WAPL: variants seen among roughly 807,000 people sequenced by gnomAD.
WAPL encodes the protein WAPL cohesin release factor.
WAPL carries 5 observed loss-of-function variants against 121.0 expected under a neutral mutation model. The ratio of observed to expected loss-of-function variants is 0.04; its 90% CI spans 0.02 to 0.09. The LOEUF (loss-of-function observed/expected upper bound fraction) is 0.09. Among genes scored for constraint, WAPL ranks in the 10% least tolerant of loss-of-function variants. The pLI is 1.00. For synonymous variants in WAPL, 480 were observed against 481.5 expected, an observed-to-expected ratio of 1.00 and a Z score of 0.04; for missense variants, 999 against 1,410.8, an observed-to-expected ratio of 0.71 and a Z score of 4.68.
chr10:86,485,253 T>TA (rs1198842335), intron 4 of WAPL, among the ~76,000 whole-genome samples: 1 of 151,660 alleles, frequency 6.6e-6, no homozygotes, highest in East Asian at 1.9e-4. Flanking sequence ...CTAAAGAAAA[T>TA]ACGATTAGGC....
intron 4 of WAPL, 97 bp from the exon 5 acceptor site, chr10:86,474,070 G>A (rs61856691): frequency 0.03 from 28,139 of 925,748 alleles, 524 homozygotes; most frequent in Non-Finnish European, 0.038. Context: ...ACATGTCCTA[G>A]AAACAGCAGG....
Position 86,521,788 on chromosome 10 carries a change from G to T in WAPL, c.-446C>A, listed in dbSNP as rs931382046. 1 of 435,602 alleles carries T rather than the reference G, an allele frequency of 2.3e-6. No individual in the cohort carries two copies. The highest frequency in any genetic ancestry group is 4.7e-6 in the Non-Finnish European group (1 of 211,532). 27.0% of individuals were successfully genotyped at this position (435,602 alleles called of 1,614,324 possible). ...CCTTCCTCCAACAGCCGCTCGCTCC[G>T]TCACTCCGCTTCCCACAGTCCCCGC... On this transcript the variant is annotated 5_prime_UTR_variant, in exon 1 of 19. Coordinates refer to ENST00000298767, the MANE Select transcript of WAPL (RefSeq NM_015045.5).
chr10:86,492,036 C>G (rs1842058444), intron 4 of WAPL, among the ~76,000 whole-genome samples: 1 of 152,212 alleles, frequency 6.6e-6, no homozygotes, highest in Non-Finnish European at 1.5e-5. Flanking sequence ...CCTCCTCATC[C>G]CTGGTATCCA....
At chr10:86,457,139 C>A (rs1443370035) in intron 12 of WAPL, among the ~76,000 whole-genome samples, 1 of 151,960 alleles carries the variant, frequency 6.6e-6, no homozygotes, top group Non-Finnish European at 1.5e-5. Flanking sequence ...CTTCAATAAT[C>A]TTTGGTAAGG....
intron 8 of WAPL, 140 bp downstream of exon 8, chr10:86,470,852 C>T (rs902629790): frequency 1.5e-6 from 1 of 659,780 alleles, no homozygotes. Context: ...GCCATAAGCA[C>T]TACAAATTTA....
chr10:86,463,358 G>A (rs1400935774), intron 9 of WAPL, among the ~76,000 whole-genome samples: 1 of 152,192 alleles, frequency 6.6e-6, no homozygotes, highest in Non-Finnish European at 1.5e-5. Context: ...TGTTATCAAG[G>A]GAGATGACAC....
Position 86,500,268 on chromosome 10 carries a change from T to C in WAPL, c.975A>G (p.Ala325=). The change falls in exon 3 of 19, where the codon GCA becomes GCG. Residue 325 remains alanine (A), a synonymous_variant. Coordinates refer to ENST00000298767, the MANE Select transcript of WAPL (RefSeq NM_015045.5). The part of the protein sequence containing the change: ...MDGTSQALAK[A]NSESSKDGLN... ...GGCCATCTTTACTCGATTCACTGTT[T>C]GCTTTGGCTAAGGCCTGACTGGTGC... 1 of 1,614,242 alleles carries C rather than the reference T, an allele frequency of 6.2e-7. No homozygotes were observed. The highest frequency in any genetic ancestry group is 8.5e-7 in the Non-Finnish European group (1 of 1,180,042).
intron 9 of WAPL, among the ~76,000 whole-genome samples, chr10:86,463,497 A>C (rs1422849516): frequency 6.6e-6 from 1 of 152,252 alleles, no homozygotes; most frequent in Admixed American, 6.5e-5. Context: ...TTCATTTTTA[A>C]CAGAAAAAGT....
intron 4 of WAPL, among the ~76,000 whole-genome samples, chr10:86,481,398 C>T (rs942949622): frequency 6.6e-6 from 1 of 151,904 alleles, no homozygotes; most frequent in African/African-American, 2.4e-5. Flanking sequence ...TTTGAGACAG[C>T]GTTTCGCTCT....
intron 4 of WAPL, among the ~76,000 whole-genome samples, chr10:86,474,510 T>A (rs1459048794): frequency 3.0e-5 from 2 of 66,942 alleles, no homozygotes; most frequent in Non-Finnish European, 6.9e-5. Context: ...TGAGACTCCG[T>A]CTCAAAAAAA....
rs531404303 is a variant in WAPL, at chr10:86,505,300, C to CTTT, written c.500-4560_500-4558dup. Among the ~76,000 whole-genome samples the CTTT allele has an allele frequency of 6.2e-3, 277 of 44,612 alleles. 10 individuals carry two copies. Among genetic ancestry groups the CTTT allele is most frequent in the African/African-American group, 0.011 (125 of 11,632 alleles). The allele number at this position is 44,612 out of a possible 152,430, so 29.3% of individuals were successfully genotyped here. On this transcript the variant is annotated intron_variant, in intron 2 of 18. Transcript: ENST00000298767. Reference sequence around the variant, plus strand: ...CAAGCTTCAGCCACAGTGCCCAACTCTTTTTTTTTTTTTTTTTTTTTTTTT... The same window carrying CTTT: ...CAAGCTTCAGCCACAGTGCCCAACTCTTTTTTTTTTTTTTTTTTTTTTTTTTTT...
rs1208905213 is a variant in WAPL at position 86,453,206 on chromosome 10, T to C, written c.2949+14A>G. On this transcript the variant is annotated intron_variant, in intron 14 of 18. Transcript: ENST00000298767. ...GATATGATACTCATTTCTGAAAAAG[T>C]CATTTCAACTTACCAGCACTCGAAT... 6.2e-7 allele frequency: 1 copy of C among 1,613,114 alleles called. No homozygotes were observed.
At chr10:86,505,161 T>A (rs948580955) in intron 2 of WAPL, among the ~76,000 whole-genome samples, 2 of 143,886 alleles carry the variant, frequency 1.4e-5, no homozygotes, top group African/African-American at 5.2e-5. Flanking sequence ...CTGTAGAGTT[T>A]TTTTTTCTGT....
chr10:86,492,098 G>A (rs1842060021), intron 4 of WAPL, among the ~76,000 whole-genome samples: 1 of 152,148 alleles, frequency 6.6e-6, no homozygotes, highest in Non-Finnish European at 1.5e-5. Context: ...GACACGTTAA[G>A]TGAGATCATG....
rs141019921 is a variant in WAPL at position 86,516,219 on chromosome 10, G to A, written c.499+1352C>T. Among the ~76,000 whole-genome samples, 641 of 152,182 alleles carry A rather than the reference G, an allele frequency of 4.2e-3. 2 individuals are homozygous for A. Among genetic ancestry groups the A allele is most frequent in the Admixed American group, 6.5e-3 (99 of 15,284 alleles). On this transcript the variant is annotated intron_variant, in intron 2 of 18. Transcript: ENST00000298767. Reference sequence around the variant, plus strand: ...AACCTAAACTTAACTTGTCAACAACGCCTGAGGAGAAATGTGGGCAAAGCA... The same window carrying A: ...AACCTAAACTTAACTTGTCAACAACACCTGAGGAGAAATGTGGGCAAAGCA...
chr10:86,520,495 C>T (rs1842654543), intron 1 of WAPL, among the ~76,000 whole-genome samples: 1 of 152,100 alleles, frequency 6.6e-6, no homozygotes, highest in South Asian at 2.1e-4. Context: ...TATAATATCT[C>T]CTCCTGATTG....
intron 11 of WAPL, among the ~76,000 whole-genome samples, chr10:86,459,759 T>C (rs1841227448): frequency 1.3e-5 from 2 of 152,236 alleles, no homozygotes; most frequent in Admixed American, 1.3e-4. Context: ...CCTGATTGCA[T>C]TTCACTATTG....
rs1842554771 is a variant in WAPL at position 86,516,250 on chromosome 10, G to C, written c.499+1321C>G. ...GGAGAAATGTGGGCAAAGCAGGAAG[G>C]ACAGCCAAATTAGAATTAACCCTGA... On this transcript the variant is annotated intron_variant, in intron 2 of 18. Coordinates refer to ENST00000298767, the MANE Select transcript of WAPL (RefSeq NM_015045.5). Among the ~76,000 whole-genome samples the C allele has an allele frequency of 3.3e-5, 5 of 152,094 alleles. No individual in the cohort carries two copies. In the South Asian group the frequency reaches 1.0e-3, roughly 31 times the overall value.
At chr10:86,520,699 T>C (rs190907703) in intron 1 of WAPL, among the ~76,000 whole-genome samples, 56 of 151,736 alleles carry the variant, frequency 3.7e-4, no homozygotes, top group Middle Eastern at 3.4e-3. Flanking sequence ...GACTAAGTCT[T>C]TTCGGTCGTT....
Sources: gnomAD v4.1 joint callset for allele counts (sites outside exome capture counted in the v4.1 genomes callset) on GRCh38, gnomAD v4.1.1 for gene constraint, MANE v1.5 for transcripts, NCBI Gene and HGNC (gene_info 2026-07-23, HGNC 2026-07-21) for gene names.